Variants in NRXN1 observed in about 807,000 individuals in gnomAD.
NRXN1 encodes the protein neurexin-1.
Under a neutral mutation model 150.9 loss-of-function variants are expected in NRXN1, and 39 were observed. That is an observed-to-expected ratio of 0.26 (90% CI 0.20 to 0.34). NRXN1 has a LOEUF of 0.34. Ranked by LOEUF, NRXN1 falls within the 10% of genes least tolerant of loss-of-function variation. NRXN1 has a pLI of 1.00. For missense variants in NRXN1, 1,815 were observed against 1,949.9 expected (o/e 0.93, Z 1.30); for synonymous variants, 924 against 757.0 (o/e 1.22, Z -3.62).
At chr2:50,312,298 T>G (rs1442056409) in intron 17 of NRXN1, among the ~76,000 whole-genome samples, 2 of 152,066 alleles carry the variant, frequency 1.3e-5, no homozygotes, top group African/African-American at 2.4e-5. Flanking sequence ...TATTGGAAGT[T>G]GAACAAAGAT....
At chr2:50,377,233 G>C (rs907591097) in intron 17 of NRXN1, among the ~76,000 whole-genome samples, 1 of 151,940 alleles carries the variant, frequency 6.6e-6, no homozygotes, top group African/African-American at 2.4e-5. Flanking sequence ...GCTATTTATC[G>C]TGATGCTCTC....
chr2:50,828,364 G>A (rs1463988460), intron 5 of NRXN1, among the ~76,000 whole-genome samples: 6 of 148,632 alleles, frequency 4.0e-5, no homozygotes, highest in African/African-American at 1.0e-4. Flanking sequence ...CTGGCCTGGC[G>A]GGGGCTGACC....
intron 22 of NRXN1, among the ~76,000 whole-genome samples, chr2:49,924,374 G>A (rs2104038558): frequency 6.6e-6 from 1 of 152,230 alleles, no homozygotes; most frequent in Middle Eastern, 3.4e-3. Flanking sequence ...TAATGGAGTG[G>A]AGGGTTTATA....
At chr2:50,855,006 T>G (rs1004491991) in intron 5 of NRXN1, among the ~76,000 whole-genome samples, 2 of 151,974 alleles carry the variant, frequency 1.3e-5, no homozygotes, top group African/African-American at 4.8e-5. Context: ...AACCTGTGTT[T>G]TGAAAAATCT....
intron 17 of NRXN1, among the ~76,000 whole-genome samples, chr2:50,383,042 C>A (rs1474309026): frequency 6.6e-6 from 1 of 152,120 alleles, no homozygotes; most frequent in Non-Finnish European, 1.5e-5. Flanking sequence ...TTCTTGGTCA[C>A]AAGCAACTTG....
At chr2:50,328,971 T>C (rs1331176080) in intron 17 of NRXN1, among the ~76,000 whole-genome samples, 1 of 152,080 alleles carries the variant, frequency 6.6e-6, no homozygotes, top group Non-Finnish European at 1.5e-5. Flanking sequence ...CCTGTGGAAA[T>C]ATATTAAATG....
In NRXN1 at chr2:50,776,598, T is replaced by C. The variant is rs185400977; in HGVS notation, c.832+145271A>G. Among the ~76,000 whole-genome samples, 31 of 150,934 alleles carry C rather than the reference T, an allele frequency of 2.1e-4. No individual in the cohort carries two copies. In the East Asian group the frequency reaches 4.5e-3, roughly 22 times the overall value. ...TATATAATATTATATGTATTATATA[T>C]GAAAAGTATGCATGTCATACCATAC... On this transcript the variant is annotated intron_variant, in intron 5 of 22. Coordinates refer to ENST00000401669, the MANE Select transcript of NRXN1 (RefSeq NM_001330078.2).
intron 2 of NRXN1, among the ~76,000 whole-genome samples, chr2:50,928,107 C>G (rs1328024870): frequency 6.6e-6 from 1 of 151,728 alleles, no homozygotes; most frequent in African/African-American, 2.4e-5. Context: ...TGAGAACAAG[C>G]TTAATAATGG....
chr2:50,844,108 A>C (rs903063104), intron 5 of NRXN1, among the ~76,000 whole-genome samples: 1 of 152,138 alleles, frequency 6.6e-6, no homozygotes, highest in Admixed American at 6.5e-5. Flanking sequence ...AAGAACAGCG[A>C]AAGTGAGACT....
At chr2:50,586,068 T>A (rs1252190651) in intron 8 of NRXN1, among the ~76,000 whole-genome samples, 1 of 152,208 alleles carries the variant, frequency 6.6e-6, no homozygotes, top group Non-Finnish European at 1.5e-5. Flanking sequence ...TGACTCCCAC[T>A]CTTACCTCGC....
chr2:50,136,657 GA>G (rs1441757695), intron 18 of NRXN1, among the ~76,000 whole-genome samples: 1 of 151,704 alleles, frequency 6.6e-6, no homozygotes, highest in African/African-American at 2.4e-5. Context: ...AAGGCAAAAA[GA>G]AAAAAAGGTC....
intron 19 of NRXN1, among the ~76,000 whole-genome samples, chr2:50,083,135 T>A (rs1374020929): frequency 6.6e-6 from 1 of 152,192 alleles, no homozygotes; most frequent in Non-Finnish European, 1.5e-5. Context: ...CACTGATAGG[T>A]CTCATTGACA....
chr2:50,895,214 G>A (rs1681735887), intron 5 of NRXN1, among the ~76,000 whole-genome samples: 1 of 152,032 alleles, frequency 6.6e-6, no homozygotes. Flanking sequence ...ATACCCTATT[G>A]GGGCCTAAAT....
chr2:50,206,202 ATAAGT>A (rs2062557691), intron 18 of NRXN1, among the ~76,000 whole-genome samples: 1 of 148,778 alleles, frequency 6.7e-6, no homozygotes, highest in Non-Finnish European at 1.5e-5. Context: ...ATACAGTACA[ATAAGT>A]TATACATGCA....
intron 17 of NRXN1, among the ~76,000 whole-genome samples, chr2:50,385,962 C>A (rs568882701): frequency 1.3e-3 from 194 of 151,824 alleles, no homozygotes; most frequent in African/African-American, 4.4e-3. Context: ...ATATATCAAA[C>A]TAAAATAGTG....
intron 5 of NRXN1, among the ~76,000 whole-genome samples, chr2:50,864,395 G>C (rs1487122867): frequency 6.6e-6 from 1 of 151,992 alleles, no homozygotes; most frequent in Admixed American, 6.6e-5. Flanking sequence ...TTTTCCAAGA[G>C]ACTAGCAGAG....
chr2:50,785,374 G>A (rs901450162), intron 5 of NRXN1, among the ~76,000 whole-genome samples: 2 of 145,360 alleles, frequency 1.4e-5, no homozygotes, highest in African/African-American at 2.5e-5. Flanking sequence ...TCAGCCTCCC[G>A]AGTAGCTGGG....
rs112676961 is a variant in NRXN1 at position 51,030,407 on chromosome 2, G to C, written c.-921-1213C>G. ...CGCATTGTGCTGCTGCTTCTCCATGGGGGGAGCTGAGAGCATTTCTCTTCA... is the reference window on the plus strand; with the variant it reads ...CGCATTGTGCTGCTGCTTCTCCATGCGGGGAGCTGAGAGCATTTCTCTTCA... On this transcript the variant is annotated intron_variant, in intron 1 of 22. Coordinates refer to ENST00000401669, the MANE Select transcript of NRXN1 (RefSeq NM_001330078.2). Among the ~76,000 whole-genome samples, 3 of 151,920 alleles carry C rather than the reference G, an allele frequency of 2.0e-5. No individual in the cohort carries two copies. In the East Asian group the frequency reaches 5.8e-4, roughly 29 times the overall value.
intron 2 of NRXN1, among the ~76,000 whole-genome samples, chr2:50,968,100 G>T (rs1199969389): frequency 6.6e-6 from 1 of 151,920 alleles, no homozygotes. Flanking sequence ...ACTTCTGATA[G>T]GTAGACTGGT....
Sources: allele counts gnomAD v4.1 joint callset (sites outside exome capture counted in the v4.1 genomes callset), GRCh38; gene constraint gnomAD v4.1.1; transcripts MANE v1.5; gene names NCBI Gene and HGNC (gene_info 2026-07-23, HGNC 2026-07-21).